SYNPR: variants seen among roughly 807,000 people sequenced by gnomAD.
The protein encoded by SYNPR is synaptoporin.
SYNPR carries 23 observed loss-of-function variants against 32.9 expected under a neutral mutation model. The ratio of observed to expected loss-of-function variants is 0.70; its 90% confidence interval spans 0.50 to 0.99. SYNPR has a LOEUF of 0.99. Ranked by LOEUF, SYNPR falls within the 50% of genes least tolerant of loss-of-function variation. The probability of loss-of-function intolerance (pLI) is 0.00; values close to 1 mark genes in which losing one functional copy is unlikely to be tolerated. For missense variants in SYNPR, 318 were observed against 349.3 expected (o/e 0.91, Z 0.71); for synonymous variants, 146 against 135.9 (o/e 1.07, Z -0.52).
rs139155833 is a variant in SYNPR, at chr3:63,237,457, G to A, written n.66+9077G>A. Among the ~76,000 whole-genome samples the A allele has an allele frequency of 2.8e-3, 422 of 152,094 alleles. 3 individuals are homozygous for A. Among genetic ancestry groups the A allele is most frequent in the African/African-American group, 9.8e-3 (408 of 41,506 alleles). ...AAATTTTCATGTGCGTCAAGAGAAT[G>A]TATAATTTGTTGTTACAGCGTTCTT... On this transcript the variant is annotated intron_variant and non_coding_transcript_variant, in intron 1 of 4. Coordinates refer to the SYNPR transcript ENST00000478456.
In SYNPR at chr3:63,331,783, A is replaced by G. The variant is rs150829873; in HGVS notation, c.84+53041A>G. 3.9e-3 allele frequency among the ~76,000 whole-genome samples: 597 copies of G among 152,336 alleles called. 5 individuals carry two copies. The highest frequency in any genetic ancestry group is 0.013 in the African/African-American group (560 of 41,570). ...CTGAGAGAGGTTCAGAAACTTTTCTAAAGTCACACAGAATTGGACCGTGGA... is the reference window on the plus strand; with the variant it reads ...CTGAGAGAGGTTCAGAAACTTTTCTGAAGTCACACAGAATTGGACCGTGGA... On this transcript the variant is annotated intron_variant, in intron 2 of 5. Transcript: ENST00000478300.
At chr3:63,416,143 G>T (rs1158365888) in intron 2 of SYNPR, among the ~76,000 whole-genome samples, 1 of 152,224 alleles carries the variant, frequency 6.6e-6, no homozygotes, top group South Asian at 2.1e-4. Context: ...ACTGTTTTTA[G>T]TAAGAAGGCT....
At chr3:63,241,715 C>A (rs190113594) in intron 1 of SYNPR, among the ~76,000 whole-genome samples, 1 of 152,050 alleles carries the variant, frequency 6.6e-6, no homozygotes, top group Non-Finnish European at 1.5e-5. Context: ...CAGGCAATAA[C>A]GAGCCACTCA....
intron 3 of SYNPR, among the ~76,000 whole-genome samples, chr3:63,553,424 AT>A (rs1434382642): frequency 1.3e-5 from 2 of 152,188 alleles, no homozygotes; most frequent in African/African-American, 2.4e-5. Flanking sequence ...TCTTTTTGGT[AT>A]AATGATCTAT....
intron 2 of SYNPR, among the ~76,000 whole-genome samples, chr3:63,386,955 A>C (rs1286913281): frequency 1.3e-5 from 2 of 152,200 alleles, no homozygotes; most frequent in Non-Finnish European, 2.9e-5. Flanking sequence ...AGGATATTTC[A>C]AAACAAATGG....
chr3:63,427,998 T>C (rs1051515670), intron 2 of SYNPR, among the ~76,000 whole-genome samples: 4 of 152,250 alleles, frequency 2.6e-5, no homozygotes, highest in Non-Finnish European at 2.9e-5. Context: ...ACTAGTTTTT[T>C]TTAAAATGTA....
chr3:63,528,344 G>A (rs993083828), intron 3 of SYNPR, among the ~76,000 whole-genome samples: 8 of 152,150 alleles, frequency 5.3e-5, no homozygotes, highest in African/African-American at 1.9e-4. Flanking sequence ...AAGTAACTCT[G>A]CACTGTTAAT....
At chr3:63,451,812 T>C (rs1352351030) in intron 2 of SYNPR, among the ~76,000 whole-genome samples, 1 of 152,150 alleles carries the variant, frequency 6.6e-6, no homozygotes, top group Non-Finnish European at 1.5e-5. Context: ...GGTTTCTCAT[T>C]TCTCATGTTT....
intron 2 of SYNPR, among the ~76,000 whole-genome samples, chr3:63,467,231 G>A (rs1207275816): frequency 6.6e-6 from 1 of 152,186 alleles, no homozygotes; most frequent in East Asian, 1.9e-4. Context: ...GTCTCACTAT[G>A]TTGCTCAGGC....
chr3:63,227,451 T>G (rs562882035), upstream of SYNPR, among the ~76,000 whole-genome samples: 11 of 152,320 alleles, frequency 7.2e-5, no homozygotes, highest in African/African-American at 2.4e-4. Flanking sequence ...TACAGAAGAT[T>G]ACTGTTGGCG....
chr3:63,501,463 A>G (rs80172814), intron 3 of SYNPR, among the ~76,000 whole-genome samples: 1 of 147,978 alleles, frequency 6.8e-6, no homozygotes, highest in East Asian at 2.0e-4. Flanking sequence ...TAGGTGACAA[A>G]GAGCTACTCT....
At chr3:63,396,622 G>A (rs2088217804) in intron 2 of SYNPR, among the ~76,000 whole-genome samples, 1 of 152,128 alleles carries the variant, frequency 6.6e-6, no homozygotes, top group South Asian at 2.1e-4. Flanking sequence ...ATGTATGATG[G>A]AGGCCCGAGG....
At chr3:63,360,492 C>A (rs763046771) in intron 2 of SYNPR, among the ~76,000 whole-genome samples, 26 of 152,176 alleles carry the variant, frequency 1.7e-4, no homozygotes, top group Non-Finnish European at 2.5e-4. Context: ...CTTCTTGCTC[C>A]CTCTAATGAC....
At chr3:63,412,411 A>G (rs182205106) in intron 2 of SYNPR, among the ~76,000 whole-genome samples, 2 of 152,304 alleles carry the variant, frequency 1.3e-5, no homozygotes, top group East Asian at 3.9e-4. Context: ...ACATTCATCT[A>G]TTTATTCCAT....
At chr3:63,486,329 A>C (rs1161050045) in intron 3 of SYNPR, among the ~76,000 whole-genome samples, 1 of 152,198 alleles carries the variant, frequency 6.6e-6, no homozygotes, top group Non-Finnish European at 1.5e-5. Context: ...ACCCAATGAC[A>C]AATGTGAGTT....
upstream of SYNPR, among the ~76,000 whole-genome samples, chr3:63,225,890 T>C (rs555891892): frequency 2.6e-5 from 4 of 152,046 alleles, no homozygotes; most frequent in South Asian, 2.1e-4. Context: ...CAGAAAATAT[T>C]TGCAAACTAT....
intron 2 of SYNPR, among the ~76,000 whole-genome samples, chr3:63,433,463 C>T (rs1269092575): frequency 6.6e-6 from 1 of 152,200 alleles, no homozygotes; most frequent in Non-Finnish European, 1.5e-5. Flanking sequence ...GAACAGTTCA[C>T]ATGGCATTTT....
upstream of SYNPR, among the ~76,000 whole-genome samples, chr3:63,273,999 C>T (rs755174646): frequency 7.2e-5 from 11 of 152,270 alleles, no homozygotes; most frequent in East Asian, 7.7e-4. Context: ...AACAAATAAA[C>T]GCACAGGCAT....
intron 2 of SYNPR, among the ~76,000 whole-genome samples, chr3:63,435,980 C>G (rs1429334464): frequency 6.6e-6 from 1 of 152,110 alleles, no homozygotes; most frequent in Admixed American, 6.5e-5. Flanking sequence ...TCAGCAGGGA[C>G]CATGTTTACC....
Sources: gnomAD v4.1 joint callset for allele counts (sites outside exome capture counted in the v4.1 genomes callset) on GRCh38, gnomAD v4.1.1 for gene constraint, MANE v1.5 for transcripts, NCBI Gene and HGNC (gene_info 2026-07-23, HGNC 2026-07-21) for gene names.